The following DACH2 variants were observed in gnomAD, a reference collection of about 807,000 sequenced individuals.
The protein encoded by DACH2 is dachshund family transcription factor 2.
Under a neutral mutation model 35.8 loss-of-function variants are expected in DACH2, and 17 were observed. That is an observed-to-expected ratio of 0.48 (90% CI 0.33 to 0.71). The LOEUF (loss-of-function observed/expected upper bound fraction) is 0.71. Ranked by LOEUF, DACH2 falls within the 30% of genes least tolerant of loss-of-function variation. The probability of loss-of-function intolerance (pLI) is 0.02; values close to 1 mark genes in which losing one functional copy is unlikely to be tolerated. For synonymous variants in DACH2, 195 were observed against 177.3 expected, an observed-to-expected ratio of 1.10 and a Z score of -0.79; for missense variants, 469 against 472.7, an observed-to-expected ratio of 0.99 and a Z score of 0.07.
At chrX:86,271,154 T>C (rs904731775) in intron 1 of DACH2, among the ~76,000 whole-genome samples, 3 of 111,318 alleles carry the variant, frequency 2.7e-5, no homozygotes, top group Non-Finnish European at 3.8e-5. Flanking sequence ...AAATAATGTA[T>C]TATAGAGAAC....
intron 6 of DACH2, among the ~76,000 whole-genome samples, chrX:86,732,125 C>T (rs1254242514): frequency 8.9e-6 from 1 of 111,780 alleles, no homozygotes; most frequent in Non-Finnish European, 1.9e-5. Flanking sequence ...TTGGACAGCA[C>T]TCCATTAAAT....
At chrX:86,830,320 A>T (rs1266119429) in intron 11 of DACH2, 1 of 112,139 alleles carries the variant, frequency 8.9e-6, no homozygotes, top group South Asian at 3.7e-4. Context: ...TCAACATTAT[A>T]CAACATGCTA....
chrX:86,508,977 C>T (rs760376519), intron 2 of DACH2, among the ~76,000 whole-genome samples: 3 of 111,427 alleles, frequency 2.7e-5, no homozygotes, highest in Non-Finnish European at 5.7e-5. Context: ...ATAAATAATT[C>T]AATTTATTAT....
At chrX:86,280,867 A>G (rs1457227362) in intron 1 of DACH2, among the ~76,000 whole-genome samples, 1 of 112,035 alleles carries the variant, frequency 8.9e-6, no homozygotes, top group Non-Finnish European at 1.9e-5. Flanking sequence ...GCATTACATG[A>G]TGGTAAAGGG....
intron 7 of DACH2, among the ~76,000 whole-genome samples, chrX:86,771,790 C>T (rs1486629659): frequency 8.9e-6 from 1 of 111,793 alleles, no homozygotes; most frequent in Non-Finnish European, 1.9e-5. Context: ...CTCTCGGTTT[C>T]CTGAATTCCA....
At chrX:86,205,475 T>TC (rs2032276953) in intron 1 of DACH2, among the ~76,000 whole-genome samples, 1 of 46,726 alleles carries the variant, frequency 2.1e-5, no homozygotes, top group African/African-American at 1.7e-4. Flanking sequence ...CCTCCTTCCC[T>TC]CCTTCCCTCC....
intron 1 of DACH2, among the ~76,000 whole-genome samples, chrX:86,334,321 G>A (rs1352685206): frequency 8.9e-6 from 1 of 112,021 alleles, no homozygotes; most frequent in Non-Finnish European, 1.9e-5. Context: ...TTAGATCCTT[G>A]AGGAATTGCC....
At chrX:86,399,893 C>T (rs754345599) in intron 2 of DACH2, among the ~76,000 whole-genome samples, 2 of 111,152 alleles carry the variant, frequency 1.8e-5, no homozygotes, top group East Asian at 2.8e-4. Context: ...ATGTTTGTGG[C>T]GTTCTCTGTG....
At chrX:86,154,760 A>G (rs1386504810) in intron 1 of DACH2, among the ~76,000 whole-genome samples, 2 of 111,689 alleles carry the variant, frequency 1.8e-5, no homozygotes, top group African/African-American at 6.5e-5. Context: ...TTTGATGTCT[A>G]GATGTTATTC....
At chrX:86,769,485 C>G (rs1332785342) in intron 7 of DACH2, among the ~76,000 whole-genome samples, 1 of 111,870 alleles carries the variant, frequency 8.9e-6, no homozygotes, top group African/African-American at 3.2e-5. Context: ...ATAACCAAAG[C>G]AATTTTAAAC....
At chrX:86,241,743 T>G (rs2033169735) in intron 1 of DACH2, among the ~76,000 whole-genome samples, 1 of 112,154 alleles carries the variant, frequency 8.9e-6, no homozygotes, top group East Asian at 2.8e-4. Context: ...ATAAAATGGT[T>G]TTGTGAGCCA....
intron 2 of DACH2, among the ~76,000 whole-genome samples, chrX:86,457,280 G>A (rs1191977901): frequency 8.9e-6 from 1 of 111,777 alleles, no homozygotes; most frequent in Admixed American, 9.5e-5. Context: ...CTAAGTAACA[G>A]CTATTATAGG....
intron 3 of DACH2, among the ~76,000 whole-genome samples, chrX:86,580,602 A>G (rs777410967): frequency 3.0e-4 from 34 of 112,007 alleles, no homozygotes; most frequent in African/African-American, 1.0e-3. Context: ...AATCACAAGT[A>G]ATAACAGCAG....
intron 6 of DACH2, among the ~76,000 whole-genome samples, chrX:86,724,580 T>C (rs1391386671): frequency 8.9e-6 from 1 of 111,955 alleles, no homozygotes; most frequent in Non-Finnish European, 1.9e-5. Flanking sequence ...GGGTGTTCCT[T>C]TATAGACGAC....
chrX:86,460,482 T>A (rs1038327673), intron 2 of DACH2, among the ~76,000 whole-genome samples: 3 of 110,959 alleles, frequency 2.7e-5, no homozygotes, highest in African/African-American at 9.8e-5. Context: ...TTTAGAAATA[T>A]AACCAATACA....
rs745389564 is a variant in DACH2 at position 86,504,090 on chromosome X, TTG to T, written c.528-10187_528-10186del. ...TTGCTCAAAGATGTTCACATGTTGGTTGTTTTTTTTTCCTTTTGTACATTATT... is the reference window on the plus strand; with the variant it reads ...TTGCTCAAAGATGTTCACATGTTGGTTTTTTTTTTCCTTTTGTACATTATT... On this transcript the variant is annotated intron_variant, in intron 2 of 11. Transcript: ENST00000373125. Among the ~76,000 whole-genome samples the T allele has an allele frequency of 1.8e-3, 11 of 6,176 alleles. No individual in the cohort carries two copies. In the South Asian group the frequency reaches 0.07, roughly 39 times the overall value. 5.4% of individuals were successfully genotyped at this position (6,176 alleles called of 115,157 possible). A position where few individuals can be genotyped will look rare whatever the true frequency, so the allele number is the denominator to read the frequency against.
At chrX:86,765,062 T>A (rs1405163544) in intron 7 of DACH2, among the ~76,000 whole-genome samples, 2 of 112,028 alleles carry the variant, frequency 1.8e-5, no homozygotes, top group African/African-American at 6.5e-5. Context: ...CTTTTCCCAT[T>A]TTTAAGTGGA....
At chrX:86,296,157 A>T (rs779538626) in intron 1 of DACH2, among the ~76,000 whole-genome samples, 1 of 107,303 alleles carries the variant, frequency 9.3e-6, no homozygotes, top group Non-Finnish European at 1.9e-5. Context: ...AGGCGGGCGG[A>T]TCACGAGGTC....
intron 1 of DACH2, among the ~76,000 whole-genome samples, chrX:86,284,803 G>A (rs1046955318): frequency 6.4e-5 from 7 of 109,956 alleles, no homozygotes; most frequent in African/African-American, 1.7e-4. Flanking sequence ...ATCTCATTTC[G>A]GCTTCAATCT....
Sources: gnomAD v4.1 joint callset for allele counts (sites outside exome capture counted in the v4.1 genomes callset) on GRCh38, gnomAD v4.1.1 for gene constraint, MANE v1.5 for transcripts, NCBI Gene and HGNC (gene_info 2026-07-23, HGNC 2026-07-21) for gene names.